SGCZ: variants seen among roughly 807,000 people sequenced by gnomAD.
SGCZ encodes sarcoglycan zeta, also known as zeta-sarcoglycan.
SGCZ carries 40 observed loss-of-function variants against 41.3 expected under a neutral mutation model. The observed-to-expected ratio is 0.97, with a 90% CI of 0.75 to 1.26. The LOEUF (loss-of-function observed/expected upper bound fraction) is 1.26, where lower values mean the gene tolerates loss of function less well. Ranked by LOEUF, SGCZ falls within the 50% of genes most tolerant of loss-of-function variation. SGCZ has a pLI of 0.00. For synonymous variants in SGCZ, 206 were observed against 137.5 expected (o/e 1.50, Z -3.49); for missense variants, 552 against 369.8 (o/e 1.49, Z -4.04).
intron 2 of SGCZ, among the ~76,000 whole-genome samples, chr8:14,475,414 G>A (rs1278455055): frequency 2.0e-5 from 3 of 152,032 alleles, no homozygotes; most frequent in African/African-American, 7.2e-5. Context: ...CTATAAAAAG[G>A]TTTTTAACAA....
intron 4 of SGCZ, among the ~76,000 whole-genome samples, chr8:14,196,717 T>C (rs1460286624): frequency 1.3e-5 from 2 of 152,112 alleles, no homozygotes; most frequent in Non-Finnish European, 2.9e-5. Context: ...AGTAATAGAC[T>C]AATGGCATAT....
intron 2 of SGCZ, among the ~76,000 whole-genome samples, chr8:14,433,982 G>C (rs1214696124): frequency 6.6e-6 from 1 of 152,154 alleles, no homozygotes; most frequent in Admixed American, 6.5e-5. Flanking sequence ...TTAAGTCCCA[G>C]CTATTTATTT....
chr8:14,480,624 G>T (rs375003546), intron 2 of SGCZ, among the ~76,000 whole-genome samples: 1 of 151,892 alleles, frequency 6.6e-6, no homozygotes. Context: ...AACAGAGCTC[G>T]GGGCTTGAAA....
intron 1 of SGCZ, among the ~76,000 whole-genome samples, chr8:15,038,814 CAAAAAAA>C (rs58922339): frequency 4.8e-4 from 45 of 93,062 alleles, no homozygotes; most frequent in South Asian, 3.0e-3. Context: ...TGACATTTCT[CAAAAAAA>C]AAAAAAAAAA....
chr8:14,239,248 AACACACAC>A (rs36209114), intron 3 of SGCZ, among the ~76,000 whole-genome samples: 73,197 of 149,132 alleles, frequency 0.49, 19,335 homozygotes, highest in Non-Finnish European at 0.61. Flanking sequence ...TTCATACATG[AACACACAC>A]ACACACACAC....
rs560164412 is a variant in SGCZ, at chr8:14,902,459, G to A, written c.39+335126C>T. ...AATTCCCTGGGCCTGAATTTTCCTTGCCTGGAAAATCAAGCATCAGAAACT... is the reference window on the plus strand; with the variant it reads ...AATTCCCTGGGCCTGAATTTTCCTTACCTGGAAAATCAAGCATCAGAAACT... On this transcript the variant is annotated intron_variant, in intron 1 of 7. Transcript: ENST00000382080. 5.3e-5 allele frequency among the ~76,000 whole-genome samples: 8 copies of A among 152,128 alleles called. No individual in the cohort carries two copies. In the South Asian group the frequency reaches 1.7e-3, roughly 32 times the overall value.
chr8:14,439,978 G>T (rs1475544715), intron 2 of SGCZ, among the ~76,000 whole-genome samples: 4 of 151,136 alleles, frequency 2.6e-5, no homozygotes, highest in African/African-American at 9.7e-5. Flanking sequence ...TTACATATTA[G>T]GGACAAAAAA....
intron 1 of SGCZ, among the ~76,000 whole-genome samples, chr8:14,725,002 C>T (rs977628785): frequency 1.3e-5 from 2 of 152,080 alleles, no homozygotes; most frequent in African/African-American, 4.8e-5. Flanking sequence ...TCCCATCTCC[C>T]CACTACATTT....
chr8:14,768,472 A>T (rs553836253), intron 1 of SGCZ, among the ~76,000 whole-genome samples: 8 of 152,246 alleles, frequency 5.3e-5, no homozygotes, highest in African/African-American at 1.9e-4. Flanking sequence ...CAAAGATTTT[A>T]CAAATTTACT....
chr8:14,732,682 C>T (rs746775125), intron 1 of SGCZ, among the ~76,000 whole-genome samples: 4 of 152,244 alleles, frequency 2.6e-5, no homozygotes, highest in Non-Finnish European at 4.4e-5. Flanking sequence ...TTAACCTTTC[C>T]GAATAGGTCT....
intron 1 of SGCZ, among the ~76,000 whole-genome samples, chr8:14,739,649 A>G (rs184669120): frequency 6.6e-6 from 1 of 152,174 alleles, no homozygotes; most frequent in Admixed American, 6.6e-5. Flanking sequence ...TTAGAAAACT[A>G]GTTTATTTCT....
rs181716375 is a variant in SGCZ, at chr8:14,676,744, G to A, written c.40-121818C>T. On this transcript the variant is annotated intron_variant, in intron 1 of 7. Coordinates refer to ENST00000382080, the MANE Select transcript of SGCZ (RefSeq NM_139167.4). ...TGATCATATCAACAGATGCAGAAAA[G>A]AATCTGATAAAATCCAACACCTGTT... Among the ~76,000 whole-genome samples the A allele has an allele frequency of 3.3e-5, 5 of 152,120 alleles. No individual in the cohort carries two copies. In the South Asian group the frequency reaches 6.2e-4, roughly 19 times the overall value.
intron 1 of SGCZ, among the ~76,000 whole-genome samples, chr8:14,649,001 C>T (rs1242970533): frequency 2.6e-5 from 4 of 152,082 alleles, no homozygotes; most frequent in Non-Finnish European, 4.4e-5. Context: ...TTTCCCCCAA[C>T]AGTCATACCA....
chr8:14,478,980 A>T (rs1801443180), intron 2 of SGCZ, among the ~76,000 whole-genome samples: 1 of 152,072 alleles, frequency 6.6e-6, no homozygotes, highest in Non-Finnish European at 1.5e-5. Flanking sequence ...TCTAATGCCC[A>T]CCCCTCTAAC....
intron 1 of SGCZ, among the ~76,000 whole-genome samples, chr8:14,818,773 A>C (rs578175743): frequency 6.6e-6 from 1 of 152,214 alleles, no homozygotes; most frequent in East Asian, 1.9e-4. Flanking sequence ...AATTCTATGA[A>C]GGAAATAAAA....
chr8:15,048,989 A>T (rs1172703759), intron 1 of SGCZ, among the ~76,000 whole-genome samples: 2 of 152,154 alleles, frequency 1.3e-5, no homozygotes, highest in Non-Finnish European at 2.9e-5. Context: ...TTAGAGTCAT[A>T]GTTTTCTAAG....
intron 3 of SGCZ, among the ~76,000 whole-genome samples, chr8:14,249,445 A>G (rs1306069231): frequency 6.6e-6 from 1 of 152,098 alleles, no homozygotes; most frequent in Non-Finnish European, 1.5e-5. Flanking sequence ...CTGTTTCTCT[A>G]GAGAACCCAG....
At chr8:14,692,403 G>T (rs558254632) in intron 1 of SGCZ, among the ~76,000 whole-genome samples, 80 of 152,084 alleles carry the variant, frequency 5.3e-4, no homozygotes, top group African/African-American at 1.8e-3. Flanking sequence ...TATCAGAGAA[G>T]TTTATTTTAT....
intron 4 of SGCZ, among the ~76,000 whole-genome samples, chr8:14,212,364 G>GT (rs1344329890): frequency 3.5e-4 from 52 of 149,572 alleles, no homozygotes; most frequent in African/African-American, 1.3e-3. Context: ...AAACAAAAAA[G>GT]TTTTTTGTTT....
Sources: gnomAD v4.1 joint callset for allele counts (sites outside exome capture counted in the v4.1 genomes callset) on GRCh38, gnomAD v4.1.1 for gene constraint, MANE v1.5 for transcripts, NCBI Gene and HGNC (gene_info 2026-07-23, HGNC 2026-07-21) for gene names.